Variants in PTPRJ observed in about 807,000 individuals in gnomAD.
The protein encoded by PTPRJ is receptor-type tyrosine-protein phosphatase eta.
Under a neutral mutation model 141.3 loss-of-function variants are expected in PTPRJ, and 129 were observed. The observed-to-expected ratio is 0.91, with a 90% CI of 0.79 to 1.06. PTPRJ has a LOEUF of 1.06. Among genes scored for constraint, PTPRJ ranks in the 50% least tolerant of loss-of-function variants. The pLI, the probability that PTPRJ is intolerant of heterozygous loss-of-function variation, is 0.00. For missense variants in PTPRJ, 1,601 were observed against 1,679.7 expected (o/e 0.95, Z 0.82); for synonymous variants, 610 against 640.5 (o/e 0.95, Z 0.72).
At chr11:48,131,067 TATA>T (rs377024465) in intron 8 of PTPRJ, among the ~76,000 whole-genome samples, 29 of 106,742 alleles carry the variant, frequency 2.7e-4, no homozygotes, top group African/African-American at 7.3e-4. Context: ...TATATATATA[TATA>T]TTTTTTTTTT....
At chr11:48,085,620 C>T (rs547567424) in intron 1 of PTPRJ, among the ~76,000 whole-genome samples, 12 of 152,114 alleles carry the variant, frequency 7.9e-5, no homozygotes, top group South Asian at 2.1e-4. Context: ...GCTGGGATTG[C>T]GGGCTGGGAT....
At chr11:48,038,487 G>A (rs1418305424) in intron 1 of PTPRJ, among the ~76,000 whole-genome samples, 1 of 151,980 alleles carries the variant, frequency 6.6e-6, no homozygotes, top group Non-Finnish European at 1.5e-5. Flanking sequence ...CTCTGCCTAT[G>A]GAGTAGCCAT....
intron 21 of PTPRJ, 55 bp from the exon 22 acceptor site, chr11:48,159,875 G>A: frequency 1.2e-6 from 2 of 1,603,472 alleles, no homozygotes; most frequent in East Asian, 2.2e-5. Flanking sequence ...TGAGGTTTTA[G>A]TGATGGCAGA....
chr11:48,111,791 A>G (rs1856448993), intron 2 of PTPRJ, among the ~76,000 whole-genome samples: 1 of 152,176 alleles, frequency 6.6e-6, no homozygotes, highest in Non-Finnish European at 1.5e-5. Context: ...GGGCTGCTGT[A>G]ATAAGATCAA....
chr11:48,106,481 G>A (rs909786506), intron 1 of PTPRJ, among the ~76,000 whole-genome samples: 2 of 152,192 alleles, frequency 1.3e-5, no homozygotes, highest in Admixed American at 6.5e-5. Context: ...AAGGTGTGCT[G>A]GGCAAGGAAA....
chr11:48,130,511 C>T lies in PTPRJ; in HGVS notation c.1410C>T (p.Ile470=), dbSNP rs141853869. ...FRVTVVSTTE[I]GLAWSSHDAE... is the part of the protein sequence containing the mutation. Reference sequence around the variant, plus strand: ...TGACAGTGGTCAGCACGACGGAGATCGGCTTAGCATGGAGCAGCCATGATG... The same window carrying T: ...TGACAGTGGTCAGCACGACGGAGATTGGCTTAGCATGGAGCAGCCATGATG... The change falls in exon 8 of 25, where the codon ATC becomes ATT. Residue 470 remains isoleucine (I), a synonymous_variant. Coordinates refer to ENST00000418331, the MANE Select transcript of PTPRJ (RefSeq NM_002843.4). The T allele has an allele frequency of 4.5e-5, 72 of 1,613,418 alleles. No individual in the cohort carries two copies. The highest frequency in any genetic ancestry group is 1.1e-4 in the African/African-American group (8 of 74,856).
In PTPRJ at chr11:48,132,605, A is replaced by C. The variant is rs1360109724; in HGVS notation, c.1615+1889A>C. The C allele has an allele frequency of 4.2e-6, 4 of 943,664 alleles. No homozygotes were observed. In the African/African-American group the frequency reaches 7.1e-5, roughly 17 times the overall value. The allele number at this position is 943,664 out of a possible 1,614,324, so 58.5% of individuals were successfully genotyped here. ...TATACCTAATGTAAATGATGAGTTA[A>C]TGGGTGCAGCACACCAACATGGCAC... On this transcript the variant is annotated intron_variant, in intron 8 of 24. Coordinates refer to ENST00000418331, the MANE Select transcript of PTPRJ (RefSeq NM_002843.4).
chr11:48,106,140 T>C (rs1856282362), intron 1 of PTPRJ, among the ~76,000 whole-genome samples: 1 of 152,168 alleles, frequency 6.6e-6, no homozygotes, highest in Non-Finnish European at 1.5e-5. Flanking sequence ...GGCAACCAGG[T>C]ATATGGATGA....
intron 1 of PTPRJ, among the ~76,000 whole-genome samples, chr11:48,099,807 G>A (rs1280210650): frequency 1.2e-4 from 19 of 152,190 alleles, no homozygotes; most frequent in Non-Finnish European, 1.0e-4. Flanking sequence ...TTTTGCCTTT[G>A]CTGATGGTTG....
intron 1 of PTPRJ, 102 bp from the exon 2 acceptor site, chr11:48,109,956 C>T (rs1856396882): frequency 3.7e-6 from 5 of 1,336,330 alleles, no homozygotes; most frequent in African/African-American, 1.4e-5. Flanking sequence ...GTGCTTCTTA[C>T]CACCCCACCC....
intron 2 of PTPRJ, among the ~76,000 whole-genome samples, chr11:48,111,151 G>A (rs1212035525): frequency 6.6e-6 from 1 of 151,708 alleles, no homozygotes; most frequent in East Asian, 1.9e-4. Context: ...GTGGTGGCAT[G>A]CACCTGTAAT....
intron 1 of PTPRJ, among the ~76,000 whole-genome samples, chr11:48,053,697 C>T (rs961271147): frequency 2.0e-5 from 3 of 148,944 alleles, no homozygotes; most frequent in Non-Finnish European, 4.4e-5. Context: ...CTGCCTCAGC[C>T]TCCCAAGCAG....
chr11:48,073,397 G>A (rs115291481), intron 1 of PTPRJ, among the ~76,000 whole-genome samples: 186 of 152,286 alleles, frequency 1.2e-3, no homozygotes, highest in African/African-American at 4.3e-3. Context: ...CCCACCCATC[G>A]TCCTGCCCTT....
At chr11:48,006,326 G>A (rs528662883) in intron 1 of PTPRJ, among the ~76,000 whole-genome samples, 208 of 152,210 alleles carry the variant, frequency 1.4e-3, no homozygotes, top group Middle Eastern at 0.01. Context: ...AGGCGAGAGA[G>A]GTGGAGTGGG....
intron 1 of PTPRJ, among the ~76,000 whole-genome samples, chr11:48,097,293 C>CAAG (rs1289209772): frequency 2.6e-5 from 4 of 152,074 alleles, no homozygotes; most frequent in Non-Finnish European, 4.4e-5. Flanking sequence ...CAGCATGAAC[C>CAAG]AAGGTAGGGG....
At chr11:48,149,522 T>A (rs1192533388) in intron 16 of PTPRJ, 34 bp downstream of exon 16, 1 of 1,337,796 alleles carries the variant, frequency 7.5e-7, no homozygotes, top group Non-Finnish European at 1.0e-6. Context: ...TTATTTTAAA[T>A]CCTCCAATCT....
chr11:48,040,309 A>T (rs1186017977), intron 1 of PTPRJ, among the ~76,000 whole-genome samples: 1 of 152,246 alleles, frequency 6.6e-6, no homozygotes, highest in Non-Finnish European at 1.5e-5. Context: ...ACCTAGTGAG[A>T]TGTAAACATT....
chr11:48,030,005 A>G (rs537154939), intron 1 of PTPRJ, among the ~76,000 whole-genome samples: 1 of 152,332 alleles, frequency 6.6e-6, no homozygotes, highest in South Asian at 2.1e-4. Flanking sequence ...TCTTAATTAG[A>G]AAAAGGCTTA....
In PTPRJ at chr11:48,142,996, G is replaced by A. The variant is rs1253704939; in HGVS notation, c.2521G>A (p.Glu841Lys). Residue 841 changes from glutamate (E) to lysine (K), a missense_variant, in exon 12 of 25, where the codon GAA becomes AAA. Coordinates refer to ENST00000418331, the MANE Select transcript of PTPRJ (RefSeq NM_002843.4). ...AGTAAAGGTCAAGTTCAGTGGATTT[G>A]AAGCCAGCCACGGACCCATCAAAGC... Reference protein sequence around the residue: ...NSVKVKFSGFEASHGPIKAYA... With the variant: ...NSVKVKFSGFKASHGPIKAYA... The A allele has an allele frequency of 6.2e-7, 1 of 1,614,156 alleles. No homozygotes were observed.
Sources: gnomAD v4.1 joint callset for allele counts (sites outside exome capture counted in the v4.1 genomes callset) on GRCh38, gnomAD v4.1.1 for gene constraint, MANE v1.5 for transcripts, NCBI Gene and HGNC (gene_info 2026-07-23, HGNC 2026-07-21) for gene names.